The following MINPP1 variants were observed in gnomAD, a reference collection of about 807,000 sequenced individuals.
MINPP1 encodes multiple inositol polyphosphate phosphatase 1.
A neutral mutation model predicts 46.1 loss-of-function variants in MINPP1; 28 were observed. That is an observed-to-expected ratio of 0.61 (90% CI 0.45 to 0.83). The LOEUF (loss-of-function observed/expected upper bound fraction) is 0.83, where lower values mean the gene tolerates loss of function less well. MINPP1 is among the 40% of genes least tolerant of loss of function. The probability of loss-of-function intolerance (pLI) is 0.00; values close to 1 mark genes in which losing one functional copy is unlikely to be tolerated. For synonymous variants in MINPP1, 268 were observed against 249.1 expected, an observed-to-expected ratio of 1.08 and a Z score of -0.72; for missense variants, 603 against 610.0, an observed-to-expected ratio of 0.99 and a Z score of 0.12.
chr10:87,505,149 C>T lies in MINPP1; in HGVS notation c.234C>T (p.Cys78=), dbSNP rs765048973. The change falls in exon 1 of 5, where the codon TGC becomes TGT. Residue 78 remains cysteine, a synonymous_variant. Coordinates refer to ENST00000371996, the MANE Select transcript of MINPP1 (RefSeq NM_004897.5). This position sits in a 1 kb window ranked among gnomAD's most constrained non-coding sequence, Gnocchi z 4.4. ...ACCCTGAGCTGCTGGAGGGGACCTG[C>T]ACCCCGGTGCAGCTGGTCGCCCTCA... The part of the protein sequence containing the change: ...WRDPELLEGT[C]TPVQLVALIR... 1.2e-6 allele frequency: 2 copies of T among 1,610,624 alleles called. No homozygotes were observed. Among genetic ancestry groups the T allele is most frequent in the East Asian group, 2.2e-5 (1 of 44,824 alleles).
At chr10:87,514,414 T>G (rs1176632193) in intron 3 of MINPP1, among the ~76,000 whole-genome samples, 1 of 152,218 alleles carries the variant, frequency 6.6e-6, no homozygotes, top group Non-Finnish European at 1.5e-5. Flanking sequence ...TAGCTGTTTT[T>G]TGTTTGCTTT....
chr10:87,525,473 A>G (rs1334883577), intron 4 of MINPP1, among the ~76,000 whole-genome samples: 1 of 152,192 alleles, frequency 6.6e-6, no homozygotes, highest in African/African-American at 2.4e-5. Flanking sequence ...AGCATGTATC[A>G]TTCTTTTTCA....
intron 3 of MINPP1, among the ~76,000 whole-genome samples, chr10:87,517,829 T>G (rs1015104007): frequency 2.0e-5 from 3 of 149,916 alleles, no homozygotes; most frequent in South Asian, 2.1e-4. Context: ...ACCTGGCTAA[T>G]TTTTGTATTT....
At chr10:87,520,154 T>G (rs1461034128) in intron 3 of MINPP1, among the ~76,000 whole-genome samples, 4 of 151,896 alleles carry the variant, frequency 2.6e-5, no homozygotes, top group Non-Finnish European at 5.9e-5. Flanking sequence ...TGGAGATTTT[T>G]CCATGTCAGT....
Position 87,521,177 on chromosome 10 carries a change from C to G in MINPP1, c.1067+8C>G. On this transcript the variant is annotated splice_region_variant and intron_variant, in intron 4 of 4. Coordinates refer to ENST00000371996, the MANE Select transcript of MINPP1 (RefSeq NM_004897.5). ...AGTTGAACAGAAACAAAGGTAAGAA[C>G]TTTCTAAAAAATGTGAAGTACATTT... 2 of 1,609,028 alleles carry G rather than the reference C, an allele frequency of 1.2e-6. No homozygotes were observed. The highest frequency in any genetic ancestry group is 1.7e-6 in the Non-Finnish European group (2 of 1,177,196).
chr10:87,505,309 G>T lies in MINPP1; in HGVS notation c.394G>T (p.Ala132Ser). Residue 132 changes from alanine to serine, a missense_variant, in exon 1 of 5, where the codon GCC becomes TCC. Transcript: ENST00000371996. The surrounding 1 kb of genome is among the most constrained non-coding windows in gnomAD (Gnocchi z 4.4). ...CAGCCGCGACCTGGGTGCAGCGCTGGCCGACTGGCCTTTGTGGTACGCGGA... is the reference window on the plus strand; with the variant it reads ...CAGCCGCGACCTGGGTGCAGCGCTGTCCGACTGGCCTTTGTGGTACGCGGA... ...TGSRDLGAAL[A>S]DWPLWYADWM... 3 of 1,612,036 alleles carry T rather than the reference G, an allele frequency of 1.9e-6. No individual in the cohort carries two copies. The highest frequency in any genetic ancestry group is 1.7e-6 in the Non-Finnish European group (2 of 1,178,442).
At chr10:87,544,171 C>T (rs1264655225) in intron 4 of MINPP1, among the ~76,000 whole-genome samples, 1 of 152,192 alleles carries the variant, frequency 6.6e-6, no homozygotes, top group Non-Finnish European at 1.5e-5. Flanking sequence ...TTTCACAGCC[C>T]CCTCTTTGGG....
intron 3 of MINPP1, among the ~76,000 whole-genome samples, chr10:87,517,281 T>G (rs1000014698): frequency 6.6e-6 from 1 of 152,210 alleles, no homozygotes; most frequent in Admixed American, 6.5e-5. Context: ...TTTACAAATT[T>G]CAGGAAAATA....
chr10:87,547,205 G>A (rs1394918847), intron 4 of MINPP1, among the ~76,000 whole-genome samples: 1 of 149,914 alleles, frequency 6.7e-6, no homozygotes, highest in East Asian at 2.2e-4. Flanking sequence ...ACTGCCCCCT[G>A]GGTCAAGTGA....
chr10:87,527,743 C>G (rs554521968), intron 4 of MINPP1, among the ~76,000 whole-genome samples: 71 of 152,208 alleles, frequency 4.7e-4, no homozygotes, highest in African/African-American at 1.7e-3. Context: ...GGGAGGATTC[C>G]CTCTTTTTCT....
chr10:87,545,841 A>G (rs533093993), intron 4 of MINPP1, among the ~76,000 whole-genome samples: 1 of 152,312 alleles, frequency 6.6e-6, no homozygotes, highest in East Asian at 1.9e-4. Context: ...TTATGACTAA[A>G]AGTTGTCATT....
intron 4 of MINPP1, among the ~76,000 whole-genome samples, chr10:87,535,320 G>A (rs1851718108): frequency 6.6e-6 from 1 of 152,212 alleles, no homozygotes; most frequent in African/African-American, 2.4e-5. Context: ...CTGTGTTCAT[G>A]TATGTCTGTG....
rs1230338248 is a variant in MINPP1, at chr10:87,516,680, C to G, written c.933+3459C>G. Among the ~76,000 whole-genome samples the G allele has an allele frequency of 3.8e-5, 4 of 104,048 alleles. 1 individual carries two copies. Among genetic ancestry groups the G allele is most frequent in the African/African-American group, 1.2e-4 (4 of 34,632 alleles). The allele number at this position is 104,048 out of a possible 152,430, so 68.3% of individuals were successfully genotyped here. A position where few individuals can be genotyped will look rare whatever the true frequency, so the allele number is the denominator to read the frequency against. On this transcript the variant is annotated intron_variant, in intron 3 of 4. Coordinates refer to ENST00000371996, the MANE Select transcript of MINPP1 (RefSeq NM_004897.5). Reference sequence around the variant, plus strand: ...TTTAATAAGTATATCTAGATTTTCTCTCTCCTGGGATTAGTTTTGGTATTT... The same window carrying G: ...TTTAATAAGTATATCTAGATTTTCTGTCTCCTGGGATTAGTTTTGGTATTT...
intron 4 of MINPP1, among the ~76,000 whole-genome samples, chr10:87,538,083 G>C (rs909804848): frequency 2.0e-5 from 3 of 151,286 alleles, no homozygotes; most frequent in Non-Finnish European, 4.4e-5. Context: ...TTATAGATAG[G>C]AGTAATCTGT....
chr10:87,509,775 C>T, intron 2 of MINPP1: 1 of 284,966 alleles, frequency 3.5e-6, no homozygotes, highest in Non-Finnish European at 7.3e-6. Flanking sequence ...TATTTTTATG[C>T]AACTTTTTGT....
rs975866020 is a variant in MINPP1, at chr10:87,505,647, C to G, written c.637+95C>G. The G allele has an allele frequency of 5.2e-6, 6 of 1,147,786 alleles. No individual in the cohort carries two copies. The African/African-American group carries it at 7.7e-5, about 15-fold the overall frequency. 71.1% of individuals were successfully genotyped at this position (1,147,786 alleles called of 1,614,324 possible). ...CAGACCCTGGGCTTTTCCGATGCCC[C>G]CCAGTTCTCTTTCCTCTTTTCCCAA... is the stretch of plus-strand genomic sequence containing the variant. On this transcript the variant is annotated intron_variant, in intron 1 of 4. Coordinates refer to ENST00000371996, the MANE Select transcript of MINPP1 (RefSeq NM_004897.5). This position sits in a 1 kb window ranked among gnomAD's most constrained non-coding sequence, Gnocchi z 4.4.
chr10:87,549,598 A>G (rs1564684768), intron 4 of MINPP1, among the ~76,000 whole-genome samples: 2 of 152,240 alleles, frequency 1.3e-5, no homozygotes, highest in African/African-American at 2.4e-5. Context: ...CGTATAAATT[A>G]CTTGCTGAAA....
intron 4 of MINPP1, among the ~76,000 whole-genome samples, chr10:87,550,821 A>C (rs147770312): frequency 6.6e-6 from 1 of 151,610 alleles, no homozygotes; most frequent in African/African-American, 2.4e-5. Flanking sequence ...CAGTTTCTCT[A>C]GTGTGAGCCC....
intron 4 of MINPP1, among the ~76,000 whole-genome samples, chr10:87,542,525 C>T (rs1589384835): frequency 6.6e-6 from 1 of 152,188 alleles, no homozygotes; most frequent in East Asian, 1.9e-4. Flanking sequence ...GTCTTAACCT[C>T]CTGAGCTCAA....
Sources: allele counts gnomAD v4.1 joint callset (sites outside exome capture counted in the v4.1 genomes callset), GRCh38; gene constraint gnomAD v4.1.1; non-coding constraint Gnocchi (gnomAD v3.1); transcripts MANE v1.5; gene names NCBI Gene and HGNC (gene_info 2026-07-23, HGNC 2026-07-21).